The following SHC3 variants were observed in gnomAD, a reference collection of about 807,000 sequenced individuals.
The protein encoded by SHC3 is SHC-transforming protein 3.
In SHC3, 15 loss-of-function variants were observed where a neutral mutation model predicts 60.4. The observed-to-expected ratio is 0.25, with a 90% CI of 0.17 to 0.38. The LOEUF is 0.38. Ranked by LOEUF, SHC3 falls within the 10% of genes least tolerant of loss-of-function variation. The probability of loss-of-function intolerance (pLI) is 1.00; values close to 1 mark genes in which losing one functional copy is unlikely to be tolerated. For synonymous variants in SHC3, 294 were observed against 325.9 expected, an observed-to-expected ratio of 0.90 and a Z score of 1.05; for missense variants, 677 against 786.1, an observed-to-expected ratio of 0.86 and a Z score of 1.66.
intron 4 of SHC3, among the ~76,000 whole-genome samples, chr9:89,071,597 G>A (rs545776541): frequency 3.3e-5 from 5 of 152,232 alleles, no homozygotes; most frequent in Non-Finnish European, 7.4e-5. Flanking sequence ...GATCTAACAC[G>A]GGGGCGTATA....
At chr9:89,033,398 G>T (rs1824522856) in intron 11 of SHC3, among the ~76,000 whole-genome samples, 1 of 151,868 alleles carries the variant, frequency 6.6e-6, no homozygotes, top group South Asian at 2.1e-4. Context: ...TCATAGAATT[G>T]CTTGGGTATC....
chr9:89,124,834 T>C (rs2118149793), intron 1 of SHC3, among the ~76,000 whole-genome samples: 1 of 150,600 alleles, frequency 6.6e-6, no homozygotes, highest in African/African-American at 2.4e-5. Context: ...AGCACATGTA[T>C]CCCAGAACTT....
intron 1 of SHC3, among the ~76,000 whole-genome samples, chr9:89,158,377 C>T (rs1826657285): frequency 6.6e-6 from 1 of 151,962 alleles, no homozygotes; most frequent in Non-Finnish European, 1.5e-5. Flanking sequence ...TGATCAGAGA[C>T]CATGCTCTGT....
At chr9:89,052,749 A>G (rs1824881607) in intron 6 of SHC3, among the ~76,000 whole-genome samples, 1 of 152,236 alleles carries the variant, frequency 6.6e-6, no homozygotes, top group Admixed American at 6.5e-5. Context: ...CAGTGTGACC[A>G]TGCCAATAAC....
At chr9:89,066,039 T>C (rs567358069) in intron 5 of SHC3, among the ~76,000 whole-genome samples, 105 of 152,340 alleles carry the variant, frequency 6.9e-4, no homozygotes, top group Non-Finnish European at 1.2e-3. Flanking sequence ...AGATGCTCCC[T>C]AGATGACTGT....
In SHC3 at chr9:89,039,103, G is replaced by A. The variant is rs538734972; in HGVS notation, c.1361-815C>T. The stretch of plus-strand genomic sequence containing the variant: ...ATGAAAGGACTCTGAAAAATGCACA[G>A]TGCTATGCAAGTGGAAGGTAGTGCG... On this transcript the variant is annotated intron_variant, in intron 10 of 11. Coordinates refer to ENST00000375835, the MANE Select transcript of SHC3 (RefSeq NM_016848.6). 8.0e-4 allele frequency among the ~76,000 whole-genome samples: 122 copies of A among 152,352 alleles called. 1 individual carries two copies. The highest frequency in any genetic ancestry group is 3.8e-4 in the Non-Finnish European group (26 of 68,042).
intron 10 of SHC3, among the ~76,000 whole-genome samples, chr9:89,041,232 G>C (rs1824682061): frequency 6.6e-6 from 1 of 152,092 alleles, no homozygotes; most frequent in South Asian, 2.1e-4. Context: ...TCATTAATCA[G>C]TTCATGAACG....
At chr9:89,150,899 T>C (rs1826536469) in intron 1 of SHC3, among the ~76,000 whole-genome samples, 1 of 152,206 alleles carries the variant, frequency 6.6e-6, no homozygotes, top group Non-Finnish European at 1.5e-5. Flanking sequence ...AATTATAGCT[T>C]TTTTTGTTAT....
At chr9:89,035,496 A>G (rs1200374199) in intron 11 of SHC3, among the ~76,000 whole-genome samples, 1 of 152,186 alleles carries the variant, frequency 6.6e-6, no homozygotes, top group Non-Finnish European at 1.5e-5. Context: ...GTACTTATAC[A>G]AGGACTAAAC....
At chr9:89,077,361 G>A (rs1825375984) in intron 3 of SHC3, among the ~76,000 whole-genome samples, 1 of 152,030 alleles carries the variant, frequency 6.6e-6, no homozygotes, top group African/African-American at 2.4e-5. Context: ...TGTTTTCACG[G>A]GATATAATTT....
chr9:89,058,874 T>C (rs1429080926), intron 6 of SHC3, among the ~76,000 whole-genome samples: 2 of 117,540 alleles, frequency 1.7e-5, no homozygotes, highest in East Asian at 2.8e-4. Flanking sequence ...GAGGACGTGG[T>C]GGAAGACATG....
chr9:89,050,830 G>A (rs1824850183), intron 7 of SHC3, among the ~76,000 whole-genome samples: 1 of 151,624 alleles, frequency 6.6e-6, no homozygotes, highest in Non-Finnish European at 1.5e-5. Flanking sequence ...CTACATTTGG[G>A]TTGCTGTCAC....
chr9:89,048,924 G>C (rs1368928795), intron 7 of SHC3, among the ~76,000 whole-genome samples: 1 of 152,186 alleles, frequency 6.6e-6, no homozygotes, highest in African/African-American at 2.4e-5. Flanking sequence ...GTCACCGACA[G>C]TATGAAGCTA....
chr9:89,153,347 C>T (rs1005427068), intron 1 of SHC3, among the ~76,000 whole-genome samples: 3 of 152,172 alleles, frequency 2.0e-5, no homozygotes, highest in South Asian at 2.1e-4. Context: ...TATAAGGCAG[C>T]GGCCGCTGGG....
At chr9:89,035,987 A>G (rs1442343267) in intron 11 of SHC3, among the ~76,000 whole-genome samples, 2 of 151,794 alleles carry the variant, frequency 1.3e-5, no homozygotes, top group Non-Finnish European at 2.9e-5. Flanking sequence ...AAAAGAAAAT[A>G]TATATTCAAA....
At chr9:89,052,184 G>A (rs1211587517) in intron 6 of SHC3, 21 bp from the exon 7 acceptor site, 1 of 1,612,316 alleles carries the variant, frequency 6.2e-7, no homozygotes, top group Non-Finnish European at 8.5e-7. Flanking sequence ...AAGTGACATG[G>A]GCCTATTAGA....
intron 1 of SHC3, among the ~76,000 whole-genome samples, chr9:89,155,208 T>A (rs544046510): frequency 6.6e-6 from 1 of 152,154 alleles, no homozygotes; most frequent in Non-Finnish European, 1.5e-5. Context: ...CAGCCTTCTC[T>A]CAGCCTTGGG....
intron 11 of SHC3, among the ~76,000 whole-genome samples, chr9:89,029,681 T>C (rs1243673438): frequency 6.6e-6 from 1 of 152,184 alleles, no homozygotes; most frequent in Non-Finnish European, 1.5e-5. Flanking sequence ...AGTCCATCTG[T>C]CTGTGTGTCC....
intron 11 of SHC3, among the ~76,000 whole-genome samples, chr9:89,021,628 A>G (rs1826202204): frequency 6.6e-6 from 1 of 152,212 alleles, no homozygotes; most frequent in Admixed American, 6.5e-5. Context: ...GCCAGGGCTC[A>G]CCTGCCTTGG....
Sources: allele counts gnomAD v4.1 joint callset (sites outside exome capture counted in the v4.1 genomes callset), GRCh38; gene constraint gnomAD v4.1.1; transcripts MANE v1.5; gene names NCBI Gene and HGNC (gene_info 2026-07-23, HGNC 2026-07-21).